Variants in CDHR2 observed in about 807,000 individuals in gnomAD.
CDHR2 encodes cadherin related family member 2, also known as cadherin-related family member 2.
A neutral mutation model predicts 138.6 loss-of-function variants in CDHR2; 104 were observed. The observed-to-expected ratio is 0.75, with a 90% CI of 0.64 to 0.88. The LOEUF is 0.88. Ranked by LOEUF, CDHR2 falls within the 40% of genes least tolerant of loss-of-function variation. The pLI, the probability that CDHR2 is intolerant of heterozygous loss-of-function variation, is 0.00. For missense variants in CDHR2, 1,624 were observed against 1,727.6 expected, an observed-to-expected ratio of 0.94 and a Z score of 1.06; for synonymous variants, 755 against 742.8, an observed-to-expected ratio of 1.02 and a Z score of -0.27.
In CDHR2 at chr5:176,575,956, C is replaced by T. The variant is rs578048523; in HGVS notation, c.965C>T (p.Thr322Ile). ...GCCCTCTGCTCTGTGCCTCAGGCCA[C>T]CGAGACACACCTCAACATCTACGGG... ...DEEVQLQVTA[T>I]ETHLNIYGQE... is the part of the protein sequence containing the mutation. Residue 322 changes from threonine (T) to isoleucine (I), a missense_variant, in exon 12 of 32, where the codon ACC becomes ATC. By Grantham distance (89) the Thr-to-Ile change is moderately conservative. Around this residue, in one of 3 missense-constraint regions of CDHR2, gnomAD observed 1,061 missense variants for 1,136.6 expected, o/e 0.93. Coordinates refer to ENST00000261944, the MANE Select transcript of CDHR2 (RefSeq NM_017675.6). 1.9e-6 allele frequency: 3 copies of T among 1,612,542 alleles called. No individual in the cohort carries two copies. In the South Asian group the frequency reaches 3.3e-5, roughly 18 times the overall value.
At chr5:176,589,213 G>A (rs1758770747) in intron 22 of CDHR2, 31 bp downstream of exon 22, 1 of 1,612,940 alleles carries the variant, frequency 6.2e-7, no homozygotes, top group African/African-American at 1.3e-5. Context: ...GAGGGAGGTT[G>A]CGGGGAGGGG....
intron 16 of CDHR2, among the ~76,000 whole-genome samples, chr5:176,580,380 T>C (rs1036697809): frequency 2.1e-5 from 3 of 144,434 alleles, no homozygotes; most frequent in Non-Finnish European, 4.6e-5. Flanking sequence ...ATTACAAAAA[T>C]TAGCTGGGTG....
At chr5:176,570,441 A>T (rs932661557) in intron 5 of CDHR2, among the ~76,000 whole-genome samples, 5 of 152,256 alleles carry the variant, frequency 3.3e-5, no homozygotes, top group Middle Eastern at 3.4e-3. Flanking sequence ...CACCTCCTGG[A>T]CTCAAGCAAT....
At position 176,584,873 on chromosome 5, in the gene CDHR2, C is replaced by G; in HGVS notation, c.2592C>G (p.Gly864=). 1 of 1,614,158 alleles carries G rather than the reference C, an allele frequency of 6.2e-7. No individual in the cohort carries two copies. The highest frequency in any genetic ancestry group is 8.5e-7 in the Non-Finnish European group (1 of 1,180,016). ...AGVDVGSLCW[G]WFSVAANGSV... is the part of the protein sequence containing the mutation. The stretch of plus-strand genomic sequence containing the variant: ...TCGATGTGGGCAGCCTATGCTGGGG[C>G]TGGTTCTCAGTGGCGGCCAACGGCT... The change falls in exon 19 of 32, where the codon GGC becomes GGG. Residue 864 remains glycine (G), a synonymous_variant. Coordinates refer to ENST00000261944, the MANE Select transcript of CDHR2 (RefSeq NM_017675.6).
rs1156416299 is a variant in CDHR2, at chr5:176,586,821, C to T, written c.2835C>T (p.Asn945=). 3 of 1,610,224 alleles carry T rather than the reference C, an allele frequency of 1.9e-6. No homozygotes were observed. The highest frequency in any genetic ancestry group is 1.7e-5 in the Admixed American group (1 of 59,568). ...FVIIPELVLP[N]REVASVRARD... ...TCATCCCTGAACTCGTGCTGCCCAA[C>T]CGGGAGGTGGCTTCTGTCCGGGTAA... The change falls in exon 21 of 32, where the codon AAC becomes AAT. Residue 945 remains asparagine, a synonymous_variant. Coordinates refer to ENST00000261944, the MANE Select transcript of CDHR2 (RefSeq NM_017675.6).
At position 176,590,155 on chromosome 5, in the gene CDHR2, C is replaced by T. The variant is rs368589058; in HGVS notation, c.3275+9C>T. ...ATAGATTCTGCAGCTCGGTGAGTGC[C>T]CAGAGGCCTGGGGGTGGGGTTGAGG... On this transcript the variant is annotated intron_variant, in intron 25 of 31. Transcript: ENST00000261944. 3 of 1,613,302 alleles carry T rather than the reference C, an allele frequency of 1.9e-6. No individual in the cohort carries two copies. The African/African-American group carries it at 4.0e-5, about 22-fold the overall frequency.
chr5:176,572,510 T>C (rs923162761), intron 6 of CDHR2, among the ~76,000 whole-genome samples: 3 of 152,234 alleles, frequency 2.0e-5, no homozygotes, highest in Non-Finnish European at 4.4e-5. Context: ...CTGACTTTCA[T>C]TGGCTCATTT....
At chr5:176,595,441 C>T (rs946643267) in intron 31 of CDHR2, 91 bp from the exon 32 acceptor site, 9 of 1,373,264 alleles carry the variant, frequency 6.6e-6, no homozygotes, top group East Asian at 5.3e-5. Context: ...AACCACTGGT[C>T]GTGAGCTTGA....
intron 1 of CDHR2, among the ~76,000 whole-genome samples, chr5:176,564,775 C>T (rs1415736330): frequency 6.6e-6 from 1 of 151,890 alleles, no homozygotes; most frequent in Non-Finnish European, 1.5e-5. Flanking sequence ...GCTGCAAAGA[C>T]AGCCACTAGA....
At position 176,577,708 on chromosome 5, in the gene CDHR2, T is replaced by C. The variant is rs1758426006; in HGVS notation, c.1422T>C (p.Asn474=). The C allele has an allele frequency of 6.2e-7, 1 of 1,614,214 alleles. No individual in the cohort carries two copies. Among genetic ancestry groups the C allele is most frequent in the Non-Finnish European group, 8.5e-7 (1 of 1,180,028 alleles). The change falls in exon 14 of 32, where the codon AAT becomes AAC. Residue 474 remains asparagine, a synonymous_variant. Transcript: ENST00000261944. ...TGACCATCCACCTTAGAGACATTAATGACCACAGGCCCACGTTTCCCCAGA... is the reference window on the plus strand; with the variant it reads ...TGACCATCCACCTTAGAGACATTAACGACCACAGGCCCACGTTTCCCCAGA... ...AMVTIHLRDI[N]DHRPTFPQSL... is the part of the protein sequence containing the mutation.
Position 176,581,254 on chromosome 5 carries a change from A to G in CDHR2, c.1819-89A>G, listed in dbSNP as rs1758521417. 6.5e-6 allele frequency: 10 copies of G among 1,533,046 alleles called. No homozygotes were observed. In the South Asian group the frequency reaches 9.7e-5, roughly 15 times the overall value. 95.0% of individuals were successfully genotyped at this position (1,533,046 alleles called of 1,614,324 possible). A position where few individuals can be genotyped will look rare whatever the true frequency, so the allele number is the denominator to read the frequency against. On this transcript the variant is annotated intron_variant, in intron 16 of 31. Transcript: ENST00000261944. ...GGCCTGATGACTGCCTGCGTGGGCC[A>G]GCGCTGGAGAGGAGGGTCCGGCTGC...
chr5:176,592,741 C>T lies in CDHR2; in HGVS notation c.3753C>T (p.Asp1251=). 3 of 1,613,842 alleles carry T rather than the reference C, an allele frequency of 1.9e-6. No homozygotes were observed. Among genetic ancestry groups the T allele is most frequent in the Non-Finnish European group, 2.5e-6 (3 of 1,179,836 alleles). The change falls in exon 31 of 32, where the codon GAC becomes GAT. Residue 1251 remains aspartate (D), a synonymous_variant. Transcript: ENST00000261944. ...CTTACAGCGTCAACTCCCTGGACGA[C>T]AACTCTGTGGATGTGGACAAGAACA... ...LDSVSVNSLD[D]NSVDVDKNSQ... is the part of the protein sequence containing the mutation.
At chr5:176,570,577 G>A (rs931325227) in intron 5 of CDHR2, among the ~76,000 whole-genome samples, 4 of 152,206 alleles carry the variant, frequency 2.6e-5, no homozygotes, top group African/African-American at 9.6e-5. Context: ...GAACTCCTGG[G>A]CTCAAGCGAT....
chr5:176,583,728 C>T (rs1758579249), intron 17 of CDHR2, among the ~76,000 whole-genome samples: 1 of 152,106 alleles, frequency 6.6e-6, no homozygotes, highest in South Asian at 2.1e-4. Context: ...GTTGTGGGCT[C>T]AGTTGTGTGC....
In CDHR2 at chr5:176,578,432, C is replaced by A. The variant is rs760722986; in HGVS notation, c.1642C>A (p.Arg548=). 1 of 1,614,074 alleles carries A rather than the reference C, an allele frequency of 6.2e-7. No individual in the cohort carries two copies. The part of the protein sequence containing the change: ...VTVRNGELLD[R]ESQAVYYLTL... ...GGTGAGGAACGGTGAGCTGCTGGAC[C>A]GGGAGAGCCAGGCCGTGTACTACCT... Residue 548 remains arginine, a synonymous_variant, in exon 16 of 32, where the codon CGG becomes AGG. Transcript: ENST00000261944.
At chr5:176,558,184 C>A (rs1581131727) in intron 1 of CDHR2, among the ~76,000 whole-genome samples, 1 of 151,338 alleles carries the variant, frequency 6.6e-6, no homozygotes, top group Non-Finnish European at 1.5e-5. Flanking sequence ...TGCATGGTCA[C>A]TGGTTTTGCT....
At chr5:176,546,824 C>A (rs2113240756), upstream of CDHR2, among the ~76,000 whole-genome samples, 1 of 151,728 alleles carries the variant, frequency 6.6e-6, no homozygotes, top group East Asian at 1.9e-4. Context: ...TCTCTTAACC[C>A]CTGCATTGTA....
intron 1 of CDHR2, among the ~76,000 whole-genome samples, chr5:176,550,677 T>C (rs1581127608): frequency 6.6e-6 from 1 of 152,196 alleles, no homozygotes; most frequent in East Asian, 1.9e-4. Flanking sequence ...GAGCTGGCCG[T>C]GTAGCGGTGG....
At chr5:176,552,004 C>T (rs1000967350) in intron 1 of CDHR2, among the ~76,000 whole-genome samples, 2 of 152,250 alleles carry the variant, frequency 1.3e-5, no homozygotes, top group African/African-American at 4.8e-5. Context: ...GTCACCGCGC[C>T]CGGTTAATAG....
Sources: allele counts gnomAD v4.1 joint callset (sites outside exome capture counted in the v4.1 genomes callset), GRCh38; gene constraint gnomAD v4.1.1; regional missense constraint gnomAD v4.1.1; transcripts MANE v1.5; gene names NCBI Gene and HGNC (gene_info 2026-07-23, HGNC 2026-07-21).